Variants in ERBB4 observed in about 807,000 individuals in gnomAD.
ERBB4 encodes the protein erb-b2 receptor tyrosine kinase 4.
ERBB4 carries 42 observed loss-of-function variants against 158.0 expected under a neutral mutation model. The ratio of observed to expected loss-of-function variants is 0.27; its 90% CI spans 0.21 to 0.34. The LOEUF (loss-of-function observed/expected upper bound fraction) is 0.34. Ranked by LOEUF, ERBB4 falls within the 10% of genes least tolerant of loss-of-function variation. ERBB4 has a pLI of 1.00. For synonymous variants in ERBB4, 583 were observed against 558.7 expected (o/e 1.04, Z -0.61); for missense variants, 1,333 against 1,624.1 (o/e 0.82, Z 3.08).
chr2:211,560,330 A>T (rs1244407273), intron 20 of ERBB4, among the ~76,000 whole-genome samples: 1 of 120,948 alleles, frequency 8.3e-6, no homozygotes, highest in Non-Finnish European at 1.6e-5. Flanking sequence ...GCTGCAGTGC[A>T]GTGGTGTGAT....
intron 1 of ERBB4, among the ~76,000 whole-genome samples, chr2:212,467,485 C>G (rs1037743530): frequency 7.9e-5 from 12 of 152,212 alleles, no homozygotes; most frequent in African/African-American, 2.4e-4. Flanking sequence ...ACATAGAGCT[C>G]AGGCTGTGAC....
intron 20 of ERBB4, among the ~76,000 whole-genome samples, chr2:211,491,165 T>A (rs2065332341): frequency 6.6e-6 from 1 of 152,108 alleles, no homozygotes; most frequent in Non-Finnish European, 1.5e-5. Context: ...GAAAAACTGA[T>A]CTTAATGGTT....
At chr2:211,960,715 G>A (rs578057391) in intron 2 of ERBB4, 1 of 152,170 alleles carries the variant, frequency 6.6e-6, no homozygotes, top group South Asian at 2.1e-4. Context: ...TCACACAGCA[G>A]AAGGGGCAAG....
chr2:211,806,928 A>T lies in ERBB4; in HGVS notation c.422-18769T>A, dbSNP rs183243498. Among the ~76,000 whole-genome samples, 17 of 152,238 alleles carry T rather than the reference A, an allele frequency of 1.1e-4. No individual in the cohort carries two copies. In the East Asian group the frequency reaches 2.5e-3, roughly 23 times the overall value. On this transcript the variant is annotated intron_variant, in intron 3 of 27. Coordinates refer to ENST00000342788, the MANE Select transcript of ERBB4 (RefSeq NM_005235.3). ...TATCTTTTAACAATATCTTTTAAAG[A>T]TACTTTTAAAGATAGTATCTTTAAA...
At chr2:212,025,120 T>C (rs1006673602) in intron 2 of ERBB4, among the ~76,000 whole-genome samples, 11 of 151,880 alleles carry the variant, frequency 7.2e-5, no homozygotes, top group African/African-American at 2.2e-4. Flanking sequence ...AGAGGTCATA[T>C]AGCTTTTAGA....
chr2:211,387,462 CAA>C (rs758231073), intron 26 of ERBB4, among the ~76,000 whole-genome samples: 24 of 152,064 alleles, frequency 1.6e-4, no homozygotes, highest in Non-Finnish European at 3.2e-4. Context: ...ATACAAATTT[CAA>C]AGTGAATTTT....
At chr2:211,754,333 A>G (rs902529418) in intron 4 of ERBB4, among the ~76,000 whole-genome samples, 2 of 152,080 alleles carry the variant, frequency 1.3e-5, no homozygotes, top group Non-Finnish European at 2.9e-5. Context: ...GGTTTTGCCA[A>G]TGCTGTCCAA....
At chr2:212,399,338 T>A (rs1352098942) in intron 1 of ERBB4, among the ~76,000 whole-genome samples, 1 of 151,834 alleles carries the variant, frequency 6.6e-6, no homozygotes, top group Non-Finnish European at 1.5e-5. Flanking sequence ...TTTTCAGACA[T>A]ATCTTGAAAT....
intron 3 of ERBB4, among the ~76,000 whole-genome samples, chr2:211,899,072 A>G (rs1468690382): frequency 6.6e-6 from 1 of 152,124 alleles, no homozygotes; most frequent in Non-Finnish European, 1.5e-5. Context: ...ACATGAGTCA[A>G]TTTGGGCATT....
At chr2:212,173,409 C>T (rs2081576420) in intron 1 of ERBB4, among the ~76,000 whole-genome samples, 1 of 152,004 alleles carries the variant, frequency 6.6e-6, no homozygotes, top group Non-Finnish European at 1.5e-5. Context: ...AAGGCAAAGG[C>T]CTTGAAGCAT....
intron 3 of ERBB4, among the ~76,000 whole-genome samples, chr2:211,813,300 G>C (rs182755705): frequency 4.6e-5 from 7 of 152,322 alleles, no homozygotes; most frequent in Non-Finnish European, 8.8e-5. Flanking sequence ...TCTGAGATTA[G>C]GGTAACATGC....
At chr2:212,123,984 A>C (rs1357849566) in intron 2 of ERBB4, among the ~76,000 whole-genome samples, 1 of 152,216 alleles carries the variant, frequency 6.6e-6, no homozygotes, top group African/African-American at 2.4e-5. Context: ...ATAAGCATAA[A>C]TTCTTAATTG....
chr2:212,297,440 C>T (rs2086454324), intron 1 of ERBB4, among the ~76,000 whole-genome samples: 1 of 151,826 alleles, frequency 6.6e-6, no homozygotes, highest in South Asian at 2.1e-4. Flanking sequence ...ATATGTGATC[C>T]AGTTTTGCCT....
In ERBB4 at chr2:212,295,947, GC is replaced by G. The variant is rs772464530; in HGVS notation, c.83-171045del. Among the ~76,000 whole-genome samples, 9 of 151,952 alleles carry G rather than the reference GC, an allele frequency of 5.9e-5. No homozygotes were observed. In the East Asian group the frequency reaches 1.2e-3, roughly 20 times the overall value. On this transcript the variant is annotated intron_variant, in intron 1 of 27. Coordinates refer to ENST00000342788, the MANE Select transcript of ERBB4 (RefSeq NM_005235.3). ...GCCATTCATCAAAGCCATATTTCATGCAGTTAACTCTTAATGTTTTGTTGTT... is the reference window on the plus strand; with the variant it reads ...GCCATTCATCAAAGCCATATTTCATGAGTTAACTCTTAATGTTTTGTTGTT...
intron 1 of ERBB4, among the ~76,000 whole-genome samples, chr2:212,438,906 G>A (rs1362937113): frequency 6.6e-6 from 1 of 152,032 alleles, no homozygotes; most frequent in Non-Finnish European, 1.5e-5. Context: ...GCAAAACAGG[G>A]AATCCAGAAA....
At chr2:212,238,811 G>GT (rs886401515) in intron 1 of ERBB4, among the ~76,000 whole-genome samples, 1 of 149,980 alleles carries the variant, frequency 6.7e-6, no homozygotes, top group African/African-American at 2.5e-5. Flanking sequence ...TTTTTTTTTT[G>GT]TTTTTGTTTA....
At chr2:211,799,435 G>A (rs999566400) in intron 3 of ERBB4, among the ~76,000 whole-genome samples, 2 of 152,012 alleles carry the variant, frequency 1.3e-5, no homozygotes, top group Non-Finnish European at 2.9e-5. Context: ...GCTTCTTGAG[G>A]CTAGACATAA....
chr2:212,452,168 G>A (rs2092455582), intron 1 of ERBB4, among the ~76,000 whole-genome samples: 1 of 151,984 alleles, frequency 6.6e-6, no homozygotes, highest in African/African-American at 2.4e-5. Flanking sequence ...ACTTACCAAG[G>A]TTCTTTAAAT....
intron 5 of ERBB4, among the ~76,000 whole-genome samples, chr2:211,733,008 A>T (rs1266038959): frequency 6.6e-6 from 1 of 152,140 alleles, no homozygotes; most frequent in Non-Finnish European, 1.5e-5. Context: ...AAAAAAGAGT[A>T]GGCCCATATT....
Sources: allele counts gnomAD v4.1 joint callset (sites outside exome capture counted in the v4.1 genomes callset), GRCh38; gene constraint gnomAD v4.1.1; transcripts MANE v1.5; gene names NCBI Gene and HGNC (gene_info 2026-07-23, HGNC 2026-07-21).